Variants in NHEJ1 observed in about 807,000 individuals in gnomAD.
The protein encoded by NHEJ1 is non-homologous end-joining factor 1.
Under a neutral mutation model 39.4 loss-of-function variants are expected in NHEJ1, and 22 were observed. The observed-to-expected ratio is 0.56, with a 90% CI of 0.40 to 0.80. The LOEUF (loss-of-function observed/expected upper bound fraction) is 0.80, where lower values mean the gene tolerates loss of function less well. NHEJ1 is among the 30% of genes least tolerant of loss of function. The probability of loss-of-function intolerance (pLI) is 0.00; values close to 1 mark genes in which losing one functional copy is unlikely to be tolerated. For missense variants in NHEJ1, 329 were observed against 357.1 expected, an observed-to-expected ratio of 0.92 and a Z score of 0.63; for synonymous variants, 154 against 135.6, an observed-to-expected ratio of 1.14 and a Z score of -0.94.
At position 219,111,426 on chromosome 2, in the gene NHEJ1, G is replaced by C. The variant is rs1420775777; in HGVS notation, c.589-33220C>G. The stretch of plus-strand genomic sequence containing the variant: ...AACTCTCCTACAAGGGAAAGATATG[G>C]TGATGACATTAGCATTACAGAATAC... On this transcript the variant is annotated intron_variant, in intron 5 of 7. Transcript: ENST00000356853. The surrounding 1 kb of genome is among the most constrained non-coding windows in gnomAD (Gnocchi z 4.1). Among the ~76,000 whole-genome samples the C allele has an allele frequency of 1.3e-5, 2 of 152,172 alleles. No homozygotes were observed. Among genetic ancestry groups the C allele is most frequent in the African/African-American group, 2.4e-5 (1 of 41,430 alleles).
intron 5 of NHEJ1, among the ~76,000 whole-genome samples, chr2:219,118,250 G>A (rs1949434261): frequency 6.6e-6 from 1 of 152,172 alleles, no homozygotes; most frequent in South Asian, 2.1e-4. Context: ...GACTCCTCAA[G>A]AGAACCTGCC....
chr2:219,154,713 G>T (rs1268274283), intron 3 of NHEJ1, among the ~76,000 whole-genome samples: 1 of 151,766 alleles, frequency 6.6e-6, no homozygotes. Flanking sequence ...AATTGTTCAT[G>T]AATTGCTCAA....
At chr2:219,150,495 G>A (rs7596389) in intron 3 of NHEJ1, among the ~76,000 whole-genome samples, 18,179 of 152,190 alleles carry the variant, frequency 0.12, 1,059 homozygotes, top group East Asian at 0.15. Context: ...CTCTACACTC[G>A]ATCTTCTTTC....
chr2:219,071,297 C>T lies in NHEJ1; in HGVS notation c.*5084G>A, dbSNP rs193084373. 6.6e-6 allele frequency among the ~76,000 whole-genome samples: 1 copy of T among 152,176 alleles called. No individual in the cohort carries two copies. The highest frequency in any genetic ancestry group is 2.4e-5 in the African/African-American group (1 of 41,446). Reference sequence around the variant, plus strand: ...CTCCTGTCACCCATTTCTGACTGGCCGTCAATCCTATCAGGGGTCCATAAA... The same window carrying T: ...CTCCTGTCACCCATTTCTGACTGGCTGTCAATCCTATCAGGGGTCCATAAA... On this transcript the variant is annotated 3_prime_UTR_variant, in exon 8 of 8. Transcript: ENST00000356853.
At chr2:219,144,933 G>C (rs1410677993) in intron 5 of NHEJ1, among the ~76,000 whole-genome samples, 1 of 152,086 alleles carries the variant, frequency 6.6e-6, no homozygotes, top group Non-Finnish European at 1.5e-5. Context: ...ACCTTTTCTA[G>C]GCTAGGCATG....
At position 219,076,420 on chromosome 2, in the gene NHEJ1, T is replaced by G. The variant is rs1949014289; in HGVS notation, c.861A>C (p.Ser287=). Residue 287 remains serine, a synonymous_variant, in exon 8 of 8, where the codon TCA becomes TCC. Coordinates refer to ENST00000356853, the MANE Select transcript of NHEJ1 (RefSeq NM_024782.3). The part of the protein sequence containing the change: ...TSGPLQRPQL[S]KVKRKKPRGL... ...CCCTTGGCTTCTTCCTCTTGACCTTTGACAGCTGAGGTCTCTGCAGAGGGC... is the reference window on the plus strand; with the variant it reads ...CCCTTGGCTTCTTCCTCTTGACCTTGGACAGCTGAGGTCTCTGCAGAGGGC... 1 of 1,614,062 alleles carries G rather than the reference T, an allele frequency of 6.2e-7. No individual in the cohort carries two copies. Among genetic ancestry groups the G allele is most frequent in the African/African-American group, 1.3e-5 (1 of 74,914 alleles).
chr2:219,074,740 TAA>T lies in NHEJ1; in HGVS notation c.*1639_*1640del, dbSNP rs576848890. ...CTAGGCAACAAGAGCAAGACTCCATTAAAAAAAAAAAAAAGTAACAAAAGAGC... is the reference window on the plus strand; with the variant it reads ...CTAGGCAACAAGAGCAAGACTCCATTAAAAAAAAAAAAGTAACAAAAGAGC... On this transcript the variant is annotated 3_prime_UTR_variant, in exon 8 of 8. Transcript: ENST00000356853. Among the ~76,000 whole-genome samples, 15 of 140,224 alleles carry T rather than the reference TAA, an allele frequency of 1.1e-4. No individual in the cohort carries two copies. The highest frequency in any genetic ancestry group is 7.8e-5 in the Non-Finnish European group (5 of 63,900). 92.0% of individuals were successfully genotyped at this position (140,224 alleles called of 152,430 possible).
intron 5 of NHEJ1, among the ~76,000 whole-genome samples, chr2:219,120,023 G>A (rs184433195): frequency 2.6e-5 from 4 of 152,050 alleles, no homozygotes; most frequent in East Asian, 1.9e-4. Flanking sequence ...ACAGAAATTC[G>A]AATTTAGCAC....
At chr2:219,122,047 C>G (rs1026385958) in intron 5 of NHEJ1, among the ~76,000 whole-genome samples, 1 of 152,098 alleles carries the variant, frequency 6.6e-6, no homozygotes, top group African/African-American at 2.4e-5. Flanking sequence ...ATATCTCCCA[C>G]CTAAGGAGTA....
chr2:219,100,954 C>G (rs764296376), intron 5 of NHEJ1, among the ~76,000 whole-genome samples: 4 of 152,198 alleles, frequency 2.6e-5, no homozygotes, highest in African/African-American at 7.2e-5. Context: ...TAACTCCAAT[C>G]CCCCCCTCAG....
rs1290775514 is a variant in NHEJ1, at chr2:219,070,584, G to A, written c.*5797C>T. ...ACTCCTAGCCTCAAGCAATCCTCCC[G>A]CCTCAGCCTCCCAAAGTGCTGGGAT... On this transcript the variant is annotated 3_prime_UTR_variant, in exon 8 of 8. Transcript: ENST00000356853. 2.6e-5 allele frequency among the ~76,000 whole-genome samples: 4 copies of A among 152,154 alleles called. No homozygotes were observed. The highest frequency in any genetic ancestry group is 5.9e-5 in the Non-Finnish European group (4 of 68,044).
At chr2:219,147,476 C>T (rs1357674904) in intron 4 of NHEJ1, among the ~76,000 whole-genome samples, 181 bp downstream of exon 4, 1 of 152,192 alleles carries the variant, frequency 6.6e-6, no homozygotes, top group African/African-American at 2.4e-5. Flanking sequence ...AGCGAGACTC[C>T]GTCTCCAAAA....
In NHEJ1 at chr2:219,157,459, G is replaced by A. The variant is rs187241595; in HGVS notation, c.390+13C>T. ...GCATCCCTCCCCCAACCCCACATTCGAATTACACTTACCAGGGAAGGACTA... is the reference window on the plus strand; with the variant it reads ...GCATCCCTCCCCCAACCCCACATTCAAATTACACTTACCAGGGAAGGACTA... On this transcript the variant is annotated intron_variant, in intron 3 of 7. Transcript: ENST00000356853. The A allele has an allele frequency of 6.2e-6, 10 of 1,610,792 alleles. No homozygotes were observed. The highest frequency in any genetic ancestry group is 4.5e-5 in the East Asian group (2 of 44,868).
chr2:219,121,525 C>T (rs1363586177), intron 5 of NHEJ1, among the ~76,000 whole-genome samples: 1 of 152,114 alleles, frequency 6.6e-6, no homozygotes, highest in African/African-American at 2.4e-5. Flanking sequence ...GGCCCCCGTG[C>T]ATCTTTCACA....
intron 4 of NHEJ1, 66 bp from the exon 5 acceptor site, chr2:219,146,804 A>G: frequency 8.1e-7 from 1 of 1,228,212 alleles, no homozygotes; most frequent in South Asian, 1.2e-5. Context: ...ACCTGATGGA[A>G]AGGGAACAGA....
chr2:219,086,568 C>G (rs1405239862), intron 5 of NHEJ1, among the ~76,000 whole-genome samples: 1 of 152,180 alleles, frequency 6.6e-6, no homozygotes, highest in Non-Finnish European at 1.5e-5. Context: ...TTACTTCACC[C>G]CTTGAGTGTC....
At chr2:219,151,265 A>G (rs1949792732) in intron 3 of NHEJ1, among the ~76,000 whole-genome samples, 1 of 152,182 alleles carries the variant, frequency 6.6e-6, no homozygotes, top group African/African-American at 2.4e-5. Context: ...AAGCAGCAAC[A>G]CCATCCAATT....
rs59576120 is a variant in NHEJ1, at chr2:219,151,127, C to CAA, written c.391-3334_391-3333dup. 6.5e-3 allele frequency among the ~76,000 whole-genome samples: 356 copies of CAA among 55,014 alleles called. 4 individuals are homozygous for CAA. The highest frequency in any genetic ancestry group is 0.017 in the African/African-American group (227 of 13,748). 36.1% of individuals were successfully genotyped at this position (55,014 alleles called of 152,430 possible). A position where few individuals can be genotyped will look rare whatever the true frequency, so the allele number is the denominator to read the frequency against. On this transcript the variant is annotated intron_variant, in intron 3 of 7. Coordinates refer to ENST00000356853, the MANE Select transcript of NHEJ1 (RefSeq NM_024782.3). ...TAGGTGACAGAGTGAGACCTTATCT[C>CAA]AAAAAAAAAAAAAAAAAAAAAAAGT... is the stretch of plus-strand genomic sequence containing the variant.
In NHEJ1 at chr2:219,072,270, C is replaced by A. The variant is rs895409335; in HGVS notation, c.*4111G>T. ...CCAGGGCATCAATGCAGCTGGGAAC[C>A]CCCCTCCTATAAAGTATGGGCTTCC... is the stretch of plus-strand genomic sequence containing the variant. On this transcript the variant is annotated 3_prime_UTR_variant, in exon 8 of 8. Coordinates refer to ENST00000356853, the MANE Select transcript of NHEJ1 (RefSeq NM_024782.3). Among the ~76,000 whole-genome samples the A allele has an allele frequency of 2.6e-5, 4 of 152,190 alleles. No homozygotes were observed. The South Asian group carries it at 6.2e-4, about 24-fold the overall frequency.
Sources: allele counts gnomAD v4.1 joint callset (sites outside exome capture counted in the v4.1 genomes callset), GRCh38; gene constraint gnomAD v4.1.1; non-coding constraint Gnocchi (gnomAD v3.1); transcripts MANE v1.5; gene names NCBI Gene and HGNC (gene_info 2026-07-23, HGNC 2026-07-21).